Variants in ZNF83 observed in about 807,000 individuals in gnomAD.
ZNF83 encodes zinc finger protein 816B.
For synonymous variants in ZNF83, 209 were observed against 213.0 expected (o/e 0.98, Z 0.17); for missense variants, 552 against 629.9 (o/e 0.88, Z 1.32).
chr19:52,646,581 A>T lies in ZNF83; in HGVS notation c.-74+8980T>A, dbSNP rs144373280. On this transcript the variant is annotated intron_variant, in intron 3 of 5. Transcript: ENST00000594682. ...TAATTAATTAGTTAATTAAATTAAA[A>T]GTATTATTGAGGCAGAAATTAAAGA... Among the ~76,000 whole-genome samples the T allele has an allele frequency of 2.2e-3, 329 of 152,328 alleles. 2 individuals are homozygous for T. The highest frequency in any genetic ancestry group is 7.1e-3 in the African/African-American group (295 of 41,558).
chr19:52,679,427 A>C (rs558937698), intron 1 of ZNF83, among the ~76,000 whole-genome samples: 1 of 152,238 alleles, frequency 6.6e-6, no homozygotes, highest in South Asian at 2.1e-4. Context: ...CTTGGGCACC[A>C]AGATGAAACT....
chr19:52,634,680 T>G (rs1158432047), intron 2 of ZNF83, among the ~76,000 whole-genome samples: 1 of 152,150 alleles, frequency 6.6e-6, no homozygotes, highest in Non-Finnish European at 1.5e-5. Context: ...ACCACATACT[T>G]CGTGGACATT....
At chr19:52,673,513 C>T (rs898141462) in intron 1 of ZNF83, among the ~76,000 whole-genome samples, 7 of 151,836 alleles carry the variant, frequency 4.6e-5, no homozygotes, top group Non-Finnish European at 7.4e-5. Context: ...CACACACACA[C>T]ACACACAAAA....
upstream of ZNF83, among the ~76,000 whole-genome samples, chr19:52,639,725 T>C (rs2061271218): frequency 6.6e-6 from 1 of 152,064 alleles, no homozygotes; most frequent in African/African-American, 2.4e-5. Flanking sequence ...GCCCAAAAAA[T>C]ATTCATTTCT....
intron 1 of ZNF83, among the ~76,000 whole-genome samples, chr19:52,676,547 T>TG (rs1371958001): frequency 2.7e-5 from 4 of 149,970 alleles, no homozygotes; most frequent in Non-Finnish European, 5.9e-5. Flanking sequence ...GGGAGGGAGG[T>TG]GGGGGGCGCC....
chr19:52,637,600 G>T (rs1472250702), intron 1 of ZNF83, among the ~76,000 whole-genome samples: 1 of 151,964 alleles, frequency 6.6e-6, no homozygotes, highest in Non-Finnish European at 1.5e-5. Context: ...TCTGTTATGG[G>T]TCTTTCTCAT....
chr19:52,666,427 T>A (rs1271764863), intron 1 of ZNF83, among the ~76,000 whole-genome samples: 3 of 152,040 alleles, frequency 2.0e-5, no homozygotes, highest in Non-Finnish European at 4.4e-5. Flanking sequence ...CAATGGCATA[T>A]CCTGAAAGCA....
intron 1 of ZNF83, among the ~76,000 whole-genome samples, chr19:52,685,751 A>G (rs2062003786): frequency 6.6e-6 from 1 of 152,016 alleles, no homozygotes; most frequent in African/African-American, 2.4e-5. Context: ...ACAAAAAATG[A>G]GCCAGGCATG....
chr19:52,632,603 A>G (rs1342817671), intron 2 of ZNF83, among the ~76,000 whole-genome samples: 8 of 152,148 alleles, frequency 5.3e-5, no homozygotes, highest in Non-Finnish European at 1.2e-4. Flanking sequence ...GATATCTCCT[A>G]GTGCTGTCCA....
At chr19:52,642,409 T>C (rs556683735), upstream of ZNF83, among the ~76,000 whole-genome samples, 31 of 151,528 alleles carry the variant, frequency 2.0e-4, no homozygotes, top group African/African-American at 7.5e-4. Flanking sequence ...GCTGGGATTA[T>C]AGGCAGGCAC....
At chr19:52,641,743 A>C (rs967465299), upstream of ZNF83, among the ~76,000 whole-genome samples, 2 of 152,118 alleles carry the variant, frequency 1.3e-5, no homozygotes, top group African/African-American at 4.8e-5. Flanking sequence ...AACAGGTCTC[A>C]ATCAATTTAG....
At chr19:52,678,262 C>T (rs1238118710) in intron 1 of ZNF83, among the ~76,000 whole-genome samples, 1 of 151,400 alleles carries the variant, frequency 6.6e-6, no homozygotes, top group Middle Eastern at 3.2e-3. Flanking sequence ...ACCAGACTGG[C>T]CAAGATGGTG....
intron 3 of ZNF83, chr19:52,654,738 C>T (rs1415508922): frequency 6.1e-6 from 1 of 162,970 alleles, no homozygotes; most frequent in East Asian, 1.8e-4. Flanking sequence ...CAGTCAAGAG[C>T]CTCATATATA....
intron 1 of ZNF83, among the ~76,000 whole-genome samples, chr19:52,667,429 T>C (rs1339576617): frequency 6.6e-6 from 1 of 152,180 alleles, no homozygotes; most frequent in African/African-American, 2.4e-5. Flanking sequence ...AGAAATGTCA[T>C]ATAATTTGAA....
intron 2 of ZNF83, among the ~76,000 whole-genome samples, chr19:52,629,095 C>A (rs2147145309): frequency 6.6e-6 from 1 of 152,168 alleles, no homozygotes; most frequent in South Asian, 2.1e-4. Context: ...AAAACCTCTT[C>A]AACTCTCACC....
intron 1 of ZNF83, chr19:52,637,125 C>T (rs1488442064): frequency 1.3e-5 from 2 of 152,240 alleles, no homozygotes; most frequent in Admixed American, 1.3e-4. Flanking sequence ...TATTCCTTCT[C>T]TTCCACCTCT....
chr19:52,639,413 C>CTTTTTTTTTTT (rs1206783591), upstream of ZNF83, among the ~76,000 whole-genome samples: 101 of 53,750 alleles, frequency 1.9e-3, 1 homozygote, highest in Admixed American at 4.1e-3. Flanking sequence ...TTAGTTTTTT[C>CTTTTTTTTTTT]TATTTTTTTT....
intron 3 of ZNF83, chr19:52,651,005 G>A (rs1362204555): frequency 6.6e-6 from 1 of 152,182 alleles, no homozygotes; most frequent in East Asian, 1.9e-4. Flanking sequence ...GGTAGATTAG[G>A]TTTAAAACCT....
At chr19:52,633,779 G>C (rs998100118) in intron 2 of ZNF83, among the ~76,000 whole-genome samples, 1 of 151,940 alleles carries the variant, frequency 6.6e-6, no homozygotes, top group African/African-American at 2.4e-5. Context: ...GCATGGTGAC[G>C]CATGCCTGGA....
Sources: gnomAD v4.1 joint callset for allele counts (sites outside exome capture counted in the v4.1 genomes callset) on GRCh38, gnomAD v4.1.1 for gene constraint, MANE v1.5 for transcripts, NCBI Gene and HGNC (gene_info 2026-07-23, HGNC 2026-07-21) for gene names.